Variants in ROR1 observed in about 807,000 individuals in gnomAD.
ROR1 encodes the protein inactive tyrosine-protein kinase transmembrane receptor ROR1.
ROR1 carries 19 observed loss-of-function variants against 78.8 expected under a neutral mutation model. The observed-to-expected ratio is 0.24, with a 90% CI of 0.17 to 0.35. The LOEUF is 0.35. Among genes scored for constraint, ROR1 ranks in the 10% least tolerant of loss-of-function variants. The pLI, the probability that ROR1 is intolerant of heterozygous loss-of-function variation, is 1.00. For synonymous variants in ROR1, 386 were observed against 433.6 expected, an observed-to-expected ratio of 0.89 and a Z score of 1.36; for missense variants, 917 against 1,177.8, an observed-to-expected ratio of 0.78 and a Z score of 3.24.
chr1:64,052,548 TTAATTTTATA>T (rs1162525405), intron 4 of ROR1, among the ~76,000 whole-genome samples: 1 of 152,236 alleles, frequency 6.6e-6, no homozygotes, highest in Non-Finnish European at 1.5e-5. Flanking sequence ...CTCGTGGTTT[TTAATTTTATA>T]CAAAGATTTT....
chr1:63,789,726 T>C (rs1644714327), intron 1 of ROR1, among the ~76,000 whole-genome samples: 3 of 150,932 alleles, frequency 2.0e-5, no homozygotes. Flanking sequence ...CACTCTCTTT[T>C]GGGATTACTT....
chr1:63,811,322 C>G (rs979799653), intron 1 of ROR1, among the ~76,000 whole-genome samples: 1 of 152,176 alleles, frequency 6.6e-6, no homozygotes, highest in Non-Finnish European at 1.5e-5. Flanking sequence ...TGGACAGCCC[C>G]TGATTGGAGA....
intron 1 of ROR1, among the ~76,000 whole-genome samples, chr1:63,824,258 A>G (rs572658121): frequency 6.6e-6 from 1 of 152,206 alleles, no homozygotes; most frequent in Non-Finnish European, 1.5e-5. Flanking sequence ...TTTGCAGGCC[A>G]TATAGACTCT....
intron 4 of ROR1, among the ~76,000 whole-genome samples, chr1:64,134,360 C>T (rs937375665): frequency 4.6e-5 from 7 of 152,168 alleles, no homozygotes; most frequent in African/African-American, 1.7e-4. Context: ...AAACGCAGAA[C>T]ATAGTTACAG....
chr1:63,800,919 GA>G (rs1263138740), intron 1 of ROR1, among the ~76,000 whole-genome samples: 10 of 151,580 alleles, frequency 6.6e-5, no homozygotes, highest in African/African-American at 2.2e-4. Flanking sequence ...TTTAATCTCA[GA>G]TGTTTTTCAT....
At chr1:64,101,273 C>T (rs1168020033) in intron 4 of ROR1, among the ~76,000 whole-genome samples, 2 of 152,050 alleles carry the variant, frequency 1.3e-5, no homozygotes, top group African/African-American at 2.4e-5. Flanking sequence ...AATAGTGCCA[C>T]GGGGTAGGGA....
chr1:63,916,891 C>T (rs1645613078), intron 1 of ROR1, among the ~76,000 whole-genome samples: 1 of 152,216 alleles, frequency 6.6e-6, no homozygotes, highest in Non-Finnish European at 1.5e-5. Context: ...CTACCTTTTG[C>T]TCAAGTCTCA....
intron 4 of ROR1, among the ~76,000 whole-genome samples, chr1:64,074,302 C>G (rs115426189): frequency 0.022 from 3,282 of 152,232 alleles, 55 homozygotes; most frequent in South Asian, 0.057. Context: ...CCTCATTTTT[C>G]TTTTTCAGCT....
At chr1:64,145,029 C>T (rs777817444) in intron 7 of ROR1, among the ~76,000 whole-genome samples, 4 of 152,102 alleles carry the variant, frequency 2.6e-5, no homozygotes, top group Non-Finnish European at 4.4e-5. Context: ...CTGAAAAACC[C>T]TATGATGTCC....
At chr1:64,019,324 G>A (rs752587796) in intron 2 of ROR1, among the ~76,000 whole-genome samples, 4 of 152,104 alleles carry the variant, frequency 2.6e-5, no homozygotes, top group Non-Finnish European at 5.9e-5. Flanking sequence ...AGAAGTCCTT[G>A]GTTTATATTT....
At position 63,797,217 on chromosome 1, in the gene ROR1, G is replaced by A. The variant is rs1015639428; in HGVS notation, c.91+22709G>A. Among the ~76,000 whole-genome samples, 4 of 152,258 alleles carry A rather than the reference G, an allele frequency of 2.6e-5. No individual in the cohort carries two copies. The East Asian group carries it at 7.7e-4, about 29-fold the overall frequency. Reference sequence around the variant, plus strand: ...TGTGCCTTGCAAAAAAGGACTTTGGGCATCTGTTAATTAATTTATGGATAA... The same window carrying A: ...TGTGCCTTGCAAAAAAGGACTTTGGACATCTGTTAATTAATTTATGGATAA... On this transcript the variant is annotated intron_variant, in intron 1 of 8. Transcript: ENST00000371079.
At chr1:63,960,297 G>A (rs944652716) in intron 1 of ROR1, among the ~76,000 whole-genome samples, 6 of 152,192 alleles carry the variant, frequency 3.9e-5, no homozygotes, top group Admixed American at 1.3e-4. Context: ...CCACAGCCGT[G>A]TTGTGATGAA....
intron 1 of ROR1, among the ~76,000 whole-genome samples, chr1:63,790,855 G>T (rs546892080): frequency 2.8e-4 from 42 of 152,324 alleles, no homozygotes; most frequent in African/African-American, 7.9e-4. Context: ...AGAGGGGAAA[G>T]TGTTCTCAGT....
intron 1 of ROR1, among the ~76,000 whole-genome samples, chr1:63,902,288 C>T (rs1316390861): frequency 2.0e-5 from 3 of 151,498 alleles, no homozygotes; most frequent in Admixed American, 2.0e-4. Context: ...ACTTCCGAAC[C>T]TTAGTGTGGT....
chr1:63,860,247 T>C (rs996294596), intron 1 of ROR1, among the ~76,000 whole-genome samples: 6 of 152,170 alleles, frequency 3.9e-5, no homozygotes, highest in Non-Finnish European at 8.8e-5. Flanking sequence ...TAAAACTTTA[T>C]TGGATTTAAT....
At chr1:63,954,213 A>G (rs555436559) in intron 1 of ROR1, among the ~76,000 whole-genome samples, 4 of 152,332 alleles carry the variant, frequency 2.6e-5, no homozygotes, top group South Asian at 2.1e-4. Context: ...CCTCATTTGA[A>G]TGGGCCAAGG....
intron 2 of ROR1, among the ~76,000 whole-genome samples, chr1:64,029,296 T>C (rs1646640737): frequency 6.6e-6 from 1 of 152,188 alleles, no homozygotes; most frequent in African/African-American, 2.4e-5. Context: ...CCTCAGGTCA[T>C]GTAACTAATC....
chr1:64,007,432 A>G (rs1438557070), intron 1 of ROR1, among the ~76,000 whole-genome samples: 1 of 149,936 alleles, frequency 6.7e-6, no homozygotes, highest in Non-Finnish European at 1.5e-5. Flanking sequence ...AGGGGAGGTT[A>G]GTATAACCCC....
At chr1:63,940,391 G>C (rs958563363) in intron 1 of ROR1, among the ~76,000 whole-genome samples, 2 of 152,020 alleles carry the variant, frequency 1.3e-5, no homozygotes, top group Admixed American at 1.3e-4. Flanking sequence ...GAATAGATAA[G>C]GACAGCAATG....
Sources: gnomAD v4.1 joint callset for allele counts (sites outside exome capture counted in the v4.1 genomes callset) on GRCh38, gnomAD v4.1.1 for gene constraint, MANE v1.5 for transcripts, NCBI Gene and HGNC (gene_info 2026-07-23, HGNC 2026-07-21) for gene names.